The following PPDPFL variants were observed in gnomAD, a reference collection of about 807,000 sequenced individuals.
The protein encoded by PPDPFL is pancreatic progenitor cell differentiation and proliferation factor like.
PPDPFL carries 12 observed loss-of-function variants against 12.6 expected under a neutral mutation model. The ratio of observed to expected loss-of-function variants is 0.95; its 90% CI spans 0.61 to 1.54. The LOEUF (loss-of-function observed/expected upper bound fraction) is 1.54. Ranked by LOEUF, PPDPFL falls within the 40% of genes most tolerant of loss-of-function variation. PPDPFL has a pLI of 0.00. For missense variants in PPDPFL, 114 were observed against 96.0 expected, an observed-to-expected ratio of 1.19 and a Z score of -0.78; for synonymous variants, 24 against 32.7, an observed-to-expected ratio of 0.73 and a Z score of 0.91.
upstream of PPDPFL, among the ~76,000 whole-genome samples, chr8:49,069,822 C>G (rs1222269163): frequency 2.0e-5 from 3 of 152,154 alleles, no homozygotes; most frequent in Non-Finnish European, 4.4e-5. Flanking sequence ...ATAGTCCCAG[C>G]TACTCAGGAG....
At chr8:49,064,493 C>A (rs1808262507) in intron 1 of PPDPFL, among the ~76,000 whole-genome samples, 1 of 152,112 alleles carries the variant, frequency 6.6e-6, no homozygotes, top group Non-Finnish European at 1.5e-5. Flanking sequence ...AACTTACTAT[C>A]CAAAGCCAGT....
chr8:49,062,263 C>T (rs776713644), intron 1 of PPDPFL, among the ~76,000 whole-genome samples: 6 of 152,130 alleles, frequency 3.9e-5, no homozygotes, highest in Non-Finnish European at 8.8e-5. Flanking sequence ...GATTTTTCCA[C>T]CATATAGCAT....
At chr8:49,055,836 C>T (rs1033902232) in intron 1 of PPDPFL, among the ~76,000 whole-genome samples, 1 of 152,028 alleles carries the variant, frequency 6.6e-6, no homozygotes, top group Non-Finnish European at 1.5e-5. Context: ...CTAGTAGCCA[C>T]TCTTGTTTTT....
chr8:49,055,514 C>T (rs1486450196), intron 1 of PPDPFL, among the ~76,000 whole-genome samples: 1 of 152,112 alleles, frequency 6.6e-6, no homozygotes, highest in Non-Finnish European at 1.5e-5. Flanking sequence ...ATGTACTATA[C>T]CATCAGGTAA....
upstream of PPDPFL, among the ~76,000 whole-genome samples, chr8:49,067,999 C>G (rs113361801): frequency 4.9e-3 from 740 of 152,226 alleles, 17 homozygotes; most frequent in Admixed American, 0.037. Context: ...AATCAGCAAT[C>G]AGGTAAAAAT....
intron 1 of PPDPFL, among the ~76,000 whole-genome samples, chr8:49,060,200 A>G (rs1215519456): frequency 6.6e-6 from 1 of 152,216 alleles, no homozygotes; most frequent in Non-Finnish European, 1.5e-5. Flanking sequence ...CATATAATTT[A>G]ATGCTTTCAA....
intron 1 of PPDPFL, among the ~76,000 whole-genome samples, chr8:49,056,147 C>T (rs1285299323): frequency 6.6e-6 from 1 of 152,278 alleles, no homozygotes; most frequent in East Asian, 1.9e-4. Flanking sequence ...ACTGCCTCTA[C>T]AAGTAGGAGT....
At chr8:49,058,470 A>C (rs1309686527) in intron 1 of PPDPFL, among the ~76,000 whole-genome samples, 2 of 152,230 alleles carry the variant, frequency 1.3e-5, no homozygotes, top group African/African-American at 4.8e-5. Context: ...CAAAAATTAA[A>C]AGATCAGCTT....
At position 49,075,329 on chromosome 8, in the gene PPDPFL, T is replaced by A; in HGVS notation, c.*156T>A. ...TTCAGCGCCCCAGCTATTCCAGGAC[T>A]CTTCTCCATTGTAAGAAGACAGAAA... On this transcript the variant is annotated 3_prime_UTR_variant, in exon 5 of 5. Coordinates refer to ENST00000522267, the MANE Select transcript of PPDPFL (RefSeq NM_001256597.2). 1 of 1,450,550 alleles carries A rather than the reference T, an allele frequency of 6.9e-7. No individual in the cohort carries two copies. The highest frequency in any genetic ancestry group is 9.7e-7 in the Non-Finnish European group (1 of 1,031,182). 89.9% of individuals were successfully genotyped at this position (1,450,550 alleles called of 1,614,324 possible). A position where few individuals can be genotyped will look rare whatever the true frequency, so the allele number is the denominator to read the frequency against.
At chr8:49,061,176 A>G (rs1037629713) in intron 1 of PPDPFL, among the ~76,000 whole-genome samples, 1 of 152,152 alleles carries the variant, frequency 6.6e-6, no homozygotes, top group African/African-American at 2.4e-5. Flanking sequence ...TTGATGTCTT[A>G]ACCTTATAAT....
intron 1 of PPDPFL, among the ~76,000 whole-genome samples, chr8:49,066,030 A>G (rs963331523): frequency 6.6e-6 from 1 of 152,230 alleles, no homozygotes; most frequent in African/African-American, 2.4e-5. Context: ...AGTTAGTAAC[A>G]TTCTCCAGCC....
At chr8:49,074,395 G>T in intron 4 of PPDPFL, 62 bp downstream of exon 4, 1 of 1,578,602 alleles carries the variant, frequency 6.3e-7, no homozygotes, top group East Asian at 2.2e-5. Flanking sequence ...AATGCATATG[G>T]TATGTGTTAT....
chr8:49,070,311 T>A (rs909660870), upstream of PPDPFL, among the ~76,000 whole-genome samples: 1 of 152,082 alleles, frequency 6.6e-6, no homozygotes, highest in African/African-American at 2.4e-5. Context: ...AATACCTGGG[T>A]AATGAAAGAA....
Position 49,074,144 on chromosome 8 carries a change from G to C in PPDPFL, c.133+8G>C. On this transcript the variant is annotated splice_region_variant and intron_variant, in intron 3 of 4. Transcript: ENST00000522267. ...ACGACAAACCACAGCAAGGTACTTA[G>C]TTATTTCTTTCAGTGTCATCCTTAT... The C allele has an allele frequency of 6.2e-7, 1 of 1,610,180 alleles. No homozygotes were observed.
chr8:49,059,120 G>A (rs924341632), intron 1 of PPDPFL, among the ~76,000 whole-genome samples: 1 of 152,074 alleles, frequency 6.6e-6, no homozygotes, highest in Non-Finnish European at 1.5e-5. Flanking sequence ...CAGACAACAG[G>A]GGCTTTATAT....
chr8:49,060,599 C>T (rs1205496114), intron 1 of PPDPFL, among the ~76,000 whole-genome samples: 24 of 152,120 alleles, frequency 1.6e-4, no homozygotes, highest in Admixed American at 1.6e-3. Flanking sequence ...AGCTGTGAGC[C>T]ACCGTGCCCA....
chr8:49,074,726 C>T, intron 4 of PPDPFL: 1 of 1,454,362 alleles, frequency 6.9e-7, no homozygotes, highest in East Asian at 2.5e-5. Context: ...TTTTGATTAG[C>T]TTCTGTGTGG....
upstream of PPDPFL, among the ~76,000 whole-genome samples, chr8:49,069,078 T>C (rs1231501679): frequency 6.6e-6 from 1 of 152,178 alleles, no homozygotes; most frequent in South Asian, 2.1e-4. Context: ...TATATTAGGC[T>C]AATTAAACAA....
upstream of PPDPFL, among the ~76,000 whole-genome samples, chr8:49,070,723 G>T (rs1379956457): frequency 6.6e-6 from 1 of 152,078 alleles, no homozygotes; most frequent in Non-Finnish European, 1.5e-5. Flanking sequence ...TTTATTATTT[G>T]TTTATTTTGT....
Sources: allele counts gnomAD v4.1 joint callset (sites outside exome capture counted in the v4.1 genomes callset), GRCh38; gene constraint gnomAD v4.1.1; transcripts MANE v1.5; gene names NCBI Gene and HGNC (gene_info 2026-07-23, HGNC 2026-07-21).